MTMR2: variants seen among roughly 807,000 people sequenced by gnomAD.
The protein encoded by MTMR2 is phosphatidylinositol-3,5-bisphosphate 3-phosphatase MTMR2.
Under a neutral mutation model 86.9 loss-of-function variants are expected in MTMR2, and 55 were observed. The ratio of observed to expected loss-of-function variants is 0.63; its 90% CI spans 0.51 to 0.79. MTMR2 has a LOEUF of 0.79. Ranked by LOEUF, MTMR2 falls within the 30% of genes least tolerant of loss-of-function variation. The probability of loss-of-function intolerance (pLI) is 0.00; values close to 1 mark genes in which losing one functional copy is unlikely to be tolerated. For synonymous variants in MTMR2, 241 were observed against 266.8 expected (o/e 0.90, Z 0.94); for missense variants, 659 against 772.3 (o/e 0.85, Z 1.74).
At position 95,841,728 on chromosome 11, in the gene MTMR2, A is replaced by C. The variant is rs760358740; in HGVS notation, c.1387-19T>G. ...CAACTCTCTGAAGCAAAAAGAGTGA[A>C]ATATATGAACTTAGGGGGATTTTTC... On this transcript the variant is annotated intron_variant, in intron 11 of 14. Transcript: ENST00000346299. 2.8e-5 allele frequency: 44 copies of C among 1,553,532 alleles called. No individual in the cohort carries two copies. Among genetic ancestry groups the C allele is most frequent in the Admixed American group, 1.7e-5 (1 of 59,894 alleles).
chr11:95,835,535 G>T, intron 14 of MTMR2, 84 bp from the exon 15 acceptor site: 1 of 1,431,522 alleles, frequency 7.0e-7, no homozygotes, highest in Non-Finnish European at 9.8e-7. Context: ...TGCAGTGTAT[G>T]TTTTTTCAGC....
chr11:95,923,888 C>T lies in MTMR2; in HGVS notation c.67G>A (p.Asp23Asn). 10 of 1,555,656 alleles carry T rather than the reference C, an allele frequency of 6.4e-6. No individual in the cohort carries two copies. Among genetic ancestry groups the T allele is most frequent in the Non-Finnish European group, 8.7e-6 (10 of 1,149,656 alleles). Residue 23 changes from aspartate (D) to asparagine (N), a missense_variant, in exon 1 of 15, where the codon GAC becomes AAC. Around this residue, in one of 3 missense-constraint regions of MTMR2, gnomAD observed 79 missense variants for 54.4 expected, o/e 1.45. Coordinates refer to ENST00000346299, the MANE Select transcript of MTMR2 (RefSeq NM_016156.6). ...QPAAARPPSV[D>N]SLSSASTSHS... is the part of the protein sequence containing the mutation. ...CGTCCTGGTTACCTGGACAAGGAGT[C>T]CACGCTGGGCGGCCGAGCCGCCGCC...
At chr11:95,920,490 T>C (rs1305595856) in intron 1 of MTMR2, among the ~76,000 whole-genome samples, 2 of 151,654 alleles carry the variant, frequency 1.3e-5, no homozygotes, top group Non-Finnish European at 2.9e-5. Flanking sequence ...ACTTTTTTTT[T>C]TTTTTTTTTA....
chr11:95,920,182 C>T (rs1042291716), intron 1 of MTMR2, among the ~76,000 whole-genome samples: 2 of 152,252 alleles, frequency 1.3e-5, no homozygotes, highest in Admixed American at 6.5e-5. Context: ...TTTTCCACAA[C>T]TCCCTCTCTC....
chr11:95,906,099 C>G (rs549886469), intron 1 of MTMR2, among the ~76,000 whole-genome samples: 1 of 152,244 alleles, frequency 6.6e-6, no homozygotes, highest in East Asian at 1.9e-4. Flanking sequence ...GTGGCACACG[C>G]CTGTAATCTT....
chr11:95,835,290 TTA>T lies in MTMR2; in HGVS notation c.1930_1931del (p.Ter644LysfsTer14). 1 of 1,612,612 alleles carries T rather than the reference TTA, an allele frequency of 6.2e-7. No homozygotes were observed. Among genetic ancestry groups the T allele is most frequent in the Non-Finnish European group, 8.5e-7 (1 of 1,179,028 alleles). On this transcript the variant is annotated frameshift_variant and stop_lost, in exon 15 of 15. Coordinates refer to ENST00000346299, the MANE Select transcript of MTMR2 (RefSeq NM_016156.6). LOFTEE classifies it high-confidence loss of function. The stretch of plus-strand genomic sequence containing the variant: ...ATGATGCCCCTGATCTTACAGTCCT[TTA>T]TACAACAGTTTGGACAGGAGTGACA... ...QCVTPVQTVV* is the reference protein window; with the variant it reads ...QCVTPVQTVVX
chr11:95,905,519 C>T (rs1213635462), intron 1 of MTMR2, among the ~76,000 whole-genome samples: 5 of 152,064 alleles, frequency 3.3e-5, no homozygotes, highest in Non-Finnish European at 5.9e-5. Context: ...CAAATATGTA[C>T]GGGGCTAAGA....
At chr11:95,900,440 T>C (rs957160018) in intron 1 of MTMR2, among the ~76,000 whole-genome samples, 1 of 152,164 alleles carries the variant, frequency 6.6e-6, no homozygotes, top group Non-Finnish European at 1.5e-5. Context: ...GAAAAGTCCA[T>C]TGGACTGATT....
At chr11:95,881,317 T>G (rs778598018) in intron 2 of MTMR2, among the ~76,000 whole-genome samples, 1 of 152,240 alleles carries the variant, frequency 6.6e-6, no homozygotes, top group South Asian at 2.1e-4. Flanking sequence ...CCCCACTTTA[T>G]TTTTCCTCTG....
At chr11:95,860,758 G>GT (rs1223351658) in intron 5 of MTMR2, among the ~76,000 whole-genome samples, 1 of 152,168 alleles carries the variant, frequency 6.6e-6, no homozygotes, top group Admixed American at 6.5e-5. Context: ...TGGTAAAAAT[G>GT]TAACAATCTA....
chr11:95,870,032 CAATA>C (rs1471768213), intron 2 of MTMR2, among the ~76,000 whole-genome samples: 3 of 151,986 alleles, frequency 2.0e-5, no homozygotes, highest in Non-Finnish European at 4.4e-5. Flanking sequence ...TTCTGTATTT[CAATA>C]GATATAAATT....
At chr11:95,881,195 T>C (rs572777578) in intron 2 of MTMR2, among the ~76,000 whole-genome samples, 1 of 152,194 alleles carries the variant, frequency 6.6e-6, no homozygotes, top group East Asian at 1.9e-4. Flanking sequence ...TCCCACTGAT[T>C]TGTTATACAT....
chr11:95,917,393 G>A (rs1010095686), intron 1 of MTMR2, among the ~76,000 whole-genome samples: 13 of 152,142 alleles, frequency 8.5e-5, no homozygotes, highest in African/African-American at 3.1e-4. Context: ...CTGGTCATCT[G>A]TATCCAGGTT....
intron 7 of MTMR2, among the ~76,000 whole-genome samples, chr11:95,854,350 T>C (rs909573698): frequency 1.3e-5 from 2 of 152,218 alleles, no homozygotes; most frequent in African/African-American, 4.8e-5. Context: ...GTTACTTACA[T>C]TCCAGTTCTA....
chr11:95,846,659 T>C (rs1195078774), intron 10 of MTMR2, among the ~76,000 whole-genome samples: 1 of 152,216 alleles, frequency 6.6e-6, no homozygotes, highest in Admixed American at 6.5e-5. Flanking sequence ...GATTCTGTTA[T>C]AGCCAGCCTT....
chr11:95,900,789 A>G (rs903088172), intron 1 of MTMR2, among the ~76,000 whole-genome samples: 6 of 152,220 alleles, frequency 3.9e-5, no homozygotes, highest in African/African-American at 1.2e-4. Context: ...TAGGAACTCA[A>G]TATTGATTAC....
chr11:95,915,045 A>G (rs1027996882), intron 1 of MTMR2, among the ~76,000 whole-genome samples: 3 of 152,206 alleles, frequency 2.0e-5, no homozygotes, highest in African/African-American at 7.2e-5. Context: ...TATTATTACT[A>G]TAACTGTCTA....
chr11:95,860,693 C>T (rs1864384152), intron 5 of MTMR2, among the ~76,000 whole-genome samples: 1 of 152,100 alleles, frequency 6.6e-6, no homozygotes, highest in Non-Finnish European at 1.5e-5. Flanking sequence ...TTAATTAGGC[C>T]TTAATAACAG....
At chr11:95,872,025 G>C (rs555475235) in intron 2 of MTMR2, among the ~76,000 whole-genome samples, 7 of 152,262 alleles carry the variant, frequency 4.6e-5, no homozygotes, top group Admixed American at 1.3e-4. Flanking sequence ...TGTCAGGTTT[G>C]TCAAAGATCA....
Sources: gnomAD v4.1 joint callset for allele counts (sites outside exome capture counted in the v4.1 genomes callset) on GRCh38, gnomAD v4.1.1 for gene constraint, gnomAD v4.1.1 regional missense constraint, MANE v1.5 for transcripts, NCBI Gene and HGNC (gene_info 2026-07-23, HGNC 2026-07-21) for gene names.